Variants in SCIN observed in about 807,000 individuals in gnomAD.
SCIN encodes adseverin.
In SCIN, 91 loss-of-function variants were observed where a neutral mutation model predicts 91.8. That is an observed-to-expected ratio of 0.99 (90% CI 0.84 to 1.18). The LOEUF (loss-of-function observed/expected upper bound fraction) is 1.18, where lower values mean the gene tolerates loss of function less well. Among genes scored for constraint, SCIN ranks in the 50% most tolerant of loss-of-function variants. The pLI, the probability that SCIN is intolerant of heterozygous loss-of-function variation, is 0.00. For missense variants in SCIN, 1,087 were observed against 863.9 expected (o/e 1.26, Z -3.24); for synonymous variants, 367 against 312.6 (o/e 1.17, Z -1.84).
chr7:12,588,003 T>A (rs1470773919), intron 3 of SCIN, among the ~76,000 whole-genome samples: 3 of 152,210 alleles, frequency 2.0e-5, no homozygotes, highest in Admixed American at 2.0e-4. Flanking sequence ...AAATTTCTTT[T>A]AAATTAAAAC....
At chr7:12,572,671 T>C (rs1782293415) in intron 1 of SCIN, among the ~76,000 whole-genome samples, 1 of 152,242 alleles carries the variant, frequency 6.6e-6, no homozygotes, top group African/African-American at 2.4e-5. Context: ...CAGATTCACC[T>C]TATTCACTTA....
intron 14 of SCIN, among the ~76,000 whole-genome samples, 153 bp downstream of exon 14, chr7:12,649,697 C>T (rs13238508): frequency 0.055 from 8,403 of 152,234 alleles, 326 homozygotes; most frequent in Non-Finnish European, 0.086. Flanking sequence ...AAAAATGAAA[C>T]TAACACATAT....
At chr7:12,576,383 T>A (rs1782372974) in intron 1 of SCIN, among the ~76,000 whole-genome samples, 1 of 151,784 alleles carries the variant, frequency 6.6e-6, no homozygotes. Context: ...TGTTGTTGTT[T>A]CCCCTCAGAA....
In SCIN at chr7:12,657,564, ATATATATATTTTTTTTTTTT is replaced by A. The variant is rs1453027344; in HGVS notation, c.*4851_*4870del. ...TATATATATATATATATATATATAT[ATATATATATTTTTTTTTTTT>A]TTTTTTTTTTTTTTGCATTGGCAAA... On this transcript the variant is annotated 3_prime_UTR_variant, in exon 16 of 16. Transcript: ENST00000297029. 1 of 28,202 alleles carries A rather than the reference ATATATATATTTTTTTTTTTT, an allele frequency of 3.5e-5. No individual in the cohort carries two copies. Among genetic ancestry groups the A allele is most frequent in the African/African-American group, 1.1e-4 (1 of 8,742 alleles). 1.7% of individuals were successfully genotyped at this position (28,202 alleles called of 1,614,324 possible).
rs35110067 is a variant in SCIN, at chr7:12,659,988, T to C, written c.*7273T>C. On this transcript the variant is annotated 3_prime_UTR_variant, in exon 16 of 16. Coordinates refer to ENST00000297029, the MANE Select transcript of SCIN (RefSeq NM_001112706.3). ...ATCTCCCCCACCCTTAAGAAGGTTCTTTGTAATTCTTCCCACCCTTGAGAA... is the reference window on the plus strand; with the variant it reads ...ATCTCCCCCACCCTTAAGAAGGTTCCTTGTAATTCTTCCCACCCTTGAGAA... 13,577 of 152,448 alleles carry C rather than the reference T, an allele frequency of 0.089. 886 individuals are homozygous for C. Among genetic ancestry groups the C allele is most frequent in the African/African-American group, 0.18 (7,343 of 41,540 alleles). The allele number at this position is 152,448 out of a possible 1,614,324, so 9.4% of individuals were successfully genotyped here.
chr7:12,576,876 G>A (rs1339438774), intron 1 of SCIN, among the ~76,000 whole-genome samples: 4 of 152,118 alleles, frequency 2.6e-5, no homozygotes, highest in Admixed American at 1.3e-4. Context: ...GCCCATAGGG[G>A]TAGTATAAAT....
chr7:12,578,129 T>G lies in SCIN; in HGVS notation c.265T>G (p.Leu89Val). 6.4e-7 allele frequency: 1 copy of G among 1,551,218 alleles called. No individual in the cohort carries two copies. The highest frequency in any genetic ancestry group is 8.7e-7 in the Non-Finnish European group (1 of 1,146,662). The stretch of plus-strand genomic sequence containing the variant: ...CTTCACTGTTCAGATGGATGACTAT[T>G]TGGGTGGCAAGCCAGTGCAGAATAG... ...AIFTVQMDDY[L>V]GGKPVQNREL... Residue 89 changes from leucine to valine, a missense_variant, in exon 2 of 16, where the codon TTG becomes GTG. Physicochemically the swap from Leu to Val is conservative, Grantham distance 32 (BLOSUM62 1). Coordinates refer to ENST00000297029, the MANE Select transcript of SCIN (RefSeq NM_001112706.3).
rs1179135048 is a variant in SCIN at position 12,570,910 on chromosome 7, G to C, written c.124G>C (p.Val42Leu). ...CCAGAGCGCTCACGGCGACTTCTAC[G>C]TCGGGGATGCCTACCTGGTGCTGCA... ...VPQSAHGDFY[V>L]GDAYLVLHTA... Residue 42 changes from valine to leucine, a missense_variant, in exon 1 of 16, where the codon GTC becomes CTC. Coordinates refer to ENST00000297029, the MANE Select transcript of SCIN (RefSeq NM_001112706.3). 5 of 1,551,610 alleles carry C rather than the reference G, an allele frequency of 3.2e-6. No individual in the cohort carries two copies. Among genetic ancestry groups the C allele is most frequent in the East Asian group, 2.4e-5 (1 of 40,870 alleles).
chr7:12,599,118 C>G (rs988200282), intron 3 of SCIN, among the ~76,000 whole-genome samples: 7 of 152,094 alleles, frequency 4.6e-5, no homozygotes, highest in African/African-American at 1.7e-4. Context: ...AAAGAGAACA[C>G]AGGTCATTCA....
intron 3 of SCIN, among the ~76,000 whole-genome samples, chr7:12,581,992 T>G (rs1782497165): frequency 6.6e-6 from 1 of 152,190 alleles, no homozygotes; most frequent in African/African-American, 2.4e-5. Context: ...CTTATAAGGC[T>G]CTCCTCTTCC....
At chr7:12,599,167 C>G (rs543758431) in intron 3 of SCIN, among the ~76,000 whole-genome samples, 1 of 152,086 alleles carries the variant, frequency 6.6e-6, no homozygotes, top group African/African-American at 2.4e-5. Context: ...AACCACTTTG[C>G]TTAGTAATTT....
At chr7:12,615,445 C>T (rs1199394447) in intron 4 of SCIN, among the ~76,000 whole-genome samples, 1 of 152,038 alleles carries the variant, frequency 6.6e-6, no homozygotes, top group Non-Finnish European at 1.5e-5. Flanking sequence ...CTCCTGCTGC[C>T]ATGTAAAATG....
At chr7:12,608,972 G>C (rs1352740133) in intron 4 of SCIN, among the ~76,000 whole-genome samples, 1 of 152,120 alleles carries the variant, frequency 6.6e-6, no homozygotes, top group Admixed American at 6.5e-5. Flanking sequence ...ACATTAAAGT[G>C]CTCAACACTG....
At chr7:12,598,158 C>T (rs1782880568) in intron 3 of SCIN, among the ~76,000 whole-genome samples, 1 of 152,144 alleles carries the variant, frequency 6.6e-6, no homozygotes, top group Admixed American at 6.5e-5. Context: ...CATAAAATAA[C>T]TTAGATTATA....
chr7:12,616,435 G>A (rs1783300952), intron 4 of SCIN, among the ~76,000 whole-genome samples: 1 of 152,120 alleles, frequency 6.6e-6, no homozygotes, highest in Non-Finnish European at 1.5e-5. Context: ...ACCATGAGAA[G>A]AGATAGCAAG....
chr7:12,630,588 C>T (rs977912214), intron 9 of SCIN, among the ~76,000 whole-genome samples: 6 of 152,222 alleles, frequency 3.9e-5, no homozygotes, highest in Non-Finnish European at 8.8e-5. Flanking sequence ...CATATGCTGT[C>T]CTAGACGAAT....
chr7:12,610,907 A>G (rs1226815470), intron 4 of SCIN: 1 of 152,232 alleles, frequency 6.6e-6, no homozygotes, highest in African/African-American at 2.4e-5. Flanking sequence ...ACATGTAGCT[A>G]GTATCTAAAA....
At chr7:12,622,418 T>C (rs986264293) in intron 4 of SCIN, among the ~76,000 whole-genome samples, 1 of 152,136 alleles carries the variant, frequency 6.6e-6, no homozygotes, top group African/African-American at 2.4e-5. Context: ...AATAAACTCA[T>C]AAAACTGAGA....
Position 12,629,151 on chromosome 7 carries a change from T to C in SCIN, c.1248T>C (p.Tyr416=), listed in dbSNP as rs1783591612. The C allele has an allele frequency of 1.2e-6, 2 of 1,613,214 alleles. No individual in the cohort carries two copies. Among genetic ancestry groups the C allele is most frequent in the South Asian group, 1.1e-5 (1 of 91,032 alleles). Reference sequence around the variant, plus strand: ...GGATCCAAGTTGACCAAAACTCATATGGTGAATTCTATGGTGGTGACTGCT... The same window carrying C: ...GGATCCAAGTTGACCAAAACTCATACGGTGAATTCTATGGTGGTGACTGCT... ...NGRIQVDQNS[Y]GEFYGGDCYI... is the part of the protein sequence containing the mutation. Residue 416 remains tyrosine (Y), a synonymous_variant, in exon 9 of 16, where the codon TAT becomes TAC. Transcript: ENST00000297029.
Sources: allele counts gnomAD v4.1 joint callset (sites outside exome capture counted in the v4.1 genomes callset), GRCh38; gene constraint gnomAD v4.1.1; transcripts MANE v1.5; gene names NCBI Gene and HGNC (gene_info 2026-07-23, HGNC 2026-07-21).